MOG: variants seen among roughly 807,000 people sequenced by gnomAD.
MOG encodes the protein myelin oligodendrocyte glycoprotein.
Under a neutral mutation model 35.9 loss-of-function variants are expected in MOG, and 20 were observed. The ratio of observed to expected loss-of-function variants is 0.56; its 90% confidence interval spans 0.39 to 0.81. The LOEUF is 0.81. MOG is among the 30% of genes least tolerant of loss of function. The probability of loss-of-function intolerance (pLI) is 0.00; values close to 1 mark genes in which losing one functional copy is unlikely to be tolerated. For missense variants in MOG, 251 were observed against 301.0 expected (o/e 0.83, Z 1.23); for synonymous variants, 92 against 114.3 (o/e 0.80, Z 1.25).
chr6:29,670,971 C>A lies in MOG; in HGVS notation c.731-201C>A. Reference sequence around the variant, plus strand: ...TGCCACCTGATCCATTCCTCCTTCACTGCCCCTAAGCAGGAATCCAACCCT... The same window carrying A: ...TGCCACCTGATCCATTCCTCCTTCAATGCCCCTAAGCAGGAATCCAACCCT... On this transcript the variant is annotated intron_variant, in intron 7 of 7. Coordinates refer to ENST00000376917, the MANE Select transcript of MOG (RefSeq NM_206809.4). This position sits in a 1 kb window ranked among gnomAD's most constrained non-coding sequence, Gnocchi z 4.2. 1 of 1,612,318 alleles carries A rather than the reference C, an allele frequency of 6.2e-7. No individual in the cohort carries two copies. Among genetic ancestry groups the A allele is most frequent in the Non-Finnish European group, 8.5e-7 (1 of 1,179,792 alleles).
At chr6:29,660,380 A>G (rs1583095195) in intron 2 of MOG, among the ~76,000 whole-genome samples, 1 of 148,868 alleles carries the variant, frequency 6.7e-6, no homozygotes, top group Non-Finnish European at 1.5e-5. Flanking sequence ...AAAAAAAAAA[A>G]ATTAGCCAGG....
At chr6:29,664,872 A>G (rs1769846722) in intron 2 of MOG, 1 of 280,562 alleles carries the variant, frequency 3.6e-6, no homozygotes, top group African/African-American at 2.3e-5. Flanking sequence ...TGGCCTCCCA[A>G]AGTGGTGGGA....
rs117184346 is a variant in MOG at position 29,670,066 on chromosome 6, G to A, written c.593-215G>A. On this transcript the variant is annotated intron_variant, in intron 5 of 7. Coordinates refer to ENST00000376917, the MANE Select transcript of MOG (RefSeq NM_206809.4). This position sits in a 1 kb window ranked among gnomAD's most constrained non-coding sequence, Gnocchi z 4.2. ...TTACAGGCATGAGCCACCACACCTGGCAGTTGTTACATTTTTAATGAAAGA... is the reference window on the plus strand; with the variant it reads ...TTACAGGCATGAGCCACCACACCTGACAGTTGTTACATTTTTAATGAAAGA... 0.021 allele frequency: 17,478 copies of A among 835,420 alleles called. 242 individuals are homozygous for A. Among genetic ancestry groups the A allele is most frequent in the Admixed American group, 0.048 (2,392 of 50,274 alleles). 51.8% of individuals were successfully genotyped at this position (835,420 alleles called of 1,614,324 possible). A position where few individuals can be genotyped will look rare whatever the true frequency, so the allele number is the denominator to read the frequency against.
chr6:29,657,669 T>C lies in MOG; in HGVS notation c.88+372T>C, dbSNP rs1012999540. Reference sequence around the variant, plus strand: ...CAGCTAAATTTTTTCTTTTCTTTTTTTTTTTTTTTTTTTTTGTATTTTAGT... The same window carrying C: ...CAGCTAAATTTTTTCTTTTCTTTTTCTTTTTTTTTTTTTTTGTATTTTAGT... On this transcript the variant is annotated intron_variant, in intron 1 of 7. Transcript: ENST00000376917. Among the ~76,000 whole-genome samples the C allele has an allele frequency of 2.2e-4, 29 of 134,222 alleles. No homozygotes were observed. In the East Asian group the frequency reaches 2.7e-3, roughly 13 times the overall value. The allele number at this position is 134,222 out of a possible 152,430, so 88.1% of individuals were successfully genotyped here. A position where few individuals can be genotyped will look rare whatever the true frequency, so the allele number is the denominator to read the frequency against.
At chr6:29,657,351 G>C (rs938731042) in intron 1 of MOG, 54 bp downstream of exon 1, 1 of 1,339,876 alleles carries the variant, frequency 7.5e-7, no homozygotes, top group Non-Finnish European at 1.0e-6. Context: ...AGAAAGGCTA[G>C]TTTCCTGGGG....
At chr6:29,661,342 T>C (rs922926586) in intron 2 of MOG, 1 of 982,776 alleles carries the variant, frequency 1.0e-6, no homozygotes, top group Non-Finnish European at 1.2e-6. Context: ...TGCAGGGATA[T>C]GGAAATAGCT....
At chr6:29,661,206 C>A (rs1768646673) in intron 2 of MOG, 1 of 217,366 alleles carries the variant, frequency 4.6e-6, no homozygotes, top group African/African-American at 2.4e-5. Flanking sequence ...CTCCTCCCCA[C>A]CTGCAGTGCA....
intron 2 of MOG, chr6:29,661,523 C>T: frequency 4.1e-6 from 4 of 985,148 alleles, no homozygotes; most frequent in Non-Finnish European, 4.8e-6. Context: ...TTTCACCACA[C>T]CAAAAAAGGA....
rs372047182 is a variant in MOG, at chr6:29,672,261, C to T, written c.*1076C>T. On this transcript the variant is annotated 3_prime_UTR_variant, in exon 8 of 8. Transcript: ENST00000376917. ...TGAGATCGTGCCACTGCACTCTAGC[C>T]GGAGTGACAGAGTAAGACTCTGTCT... The T allele has an allele frequency of 5.5e-4, 91 of 166,762 alleles. 2 individuals carry two copies. In the South Asian group the frequency reaches 7.3e-3, roughly 13 times the overall value. The allele number at this position is 166,762 out of a possible 1,614,324, so 10.3% of individuals were successfully genotyped here.
At chr6:29,661,992 GGCTTTGGA>G (rs1768905046) in intron 2 of MOG, 1 of 985,264 alleles carries the variant, frequency 1.0e-6, no homozygotes, top group African/African-American at 1.7e-5. Context: ...GCTTTGTCTA[GGCTTTGGA>G]GCCAGGAAGT....
At chr6:29,659,153 G>C (rs1302874454) in intron 1 of MOG, among the ~76,000 whole-genome samples, 166 bp from the exon 2 acceptor site, 1 of 151,838 alleles carries the variant, frequency 6.6e-6, no homozygotes, top group Non-Finnish European at 1.5e-5. Context: ...TAAATAAAAA[G>C]GAAGAAGAAG....
intron 3 of MOG, 82 bp from the exon 4 acceptor site, chr6:29,667,561 G>A: frequency 2.1e-6 from 3 of 1,422,560 alleles, no homozygotes; most frequent in East Asian, 2.3e-5. Context: ...CCTGCACAAG[G>A]GGCCCAGGCG....
rs1321639821 is a variant in MOG, at chr6:29,661,706, G to A, written c.436+2040G>A. On this transcript the variant is annotated intron_variant, in intron 2 of 7. Transcript: ENST00000376917. ...GTGGTGGCGCATTCCTGTAATCCCA[G>A]CTGGGAGGCTGAGGCAGGAGAATCG... is the stretch of plus-strand genomic sequence containing the variant. The A allele has an allele frequency of 4.6e-6, 4 of 868,708 alleles. No individual in the cohort carries two copies. In the African/African-American group the frequency reaches 5.5e-5, roughly 12 times the overall value. 53.8% of individuals were successfully genotyped at this position (868,708 alleles called of 1,614,324 possible).
At chr6:29,665,907 C>A (rs956263690) in intron 2 of MOG, among the ~76,000 whole-genome samples, 2 of 152,096 alleles carry the variant, frequency 1.3e-5, no homozygotes, top group Non-Finnish European at 2.9e-5. Flanking sequence ...GTTAAAACTC[C>A]CCCAGCCTGA....
chr6:29,663,133 C>G (rs1310266129), intron 2 of MOG, among the ~76,000 whole-genome samples: 1 of 151,758 alleles, frequency 6.6e-6, no homozygotes, highest in African/African-American at 2.4e-5. Flanking sequence ...ATTAGCCTGG[C>G]GTGGTGGCAG....
chr6:29,666,979 T>C (rs1442681971), intron 3 of MOG, among the ~76,000 whole-genome samples: 1 of 152,172 alleles, frequency 6.6e-6, no homozygotes, highest in Non-Finnish European at 1.5e-5. Context: ...ACAAAGTCCT[T>C]TCTCTCACCT....
intron 2 of MOG, among the ~76,000 whole-genome samples, chr6:29,663,466 C>T (rs570741836): frequency 6.6e-6 from 1 of 152,156 alleles, no homozygotes; most frequent in East Asian, 1.9e-4. Context: ...TCAAATGAGA[C>T]CCACCTGTTG....
In MOG at chr6:29,671,466, C is replaced by A; in HGVS notation, c.*281C>A. ...CTCTGGCTAAGGACAGGCAGGTGCC[C>A]CTCTCTCCATCAGAGGACACCTGTA... On this transcript the variant is annotated 3_prime_UTR_variant, in exon 8 of 8. Coordinates refer to ENST00000376917, the MANE Select transcript of MOG (RefSeq NM_206809.4). The A allele has an allele frequency of 6.5e-7, 1 of 1,537,792 alleles. No homozygotes were observed. Among genetic ancestry groups the A allele is most frequent in the Non-Finnish European group, 9.0e-7 (1 of 1,111,718 alleles).
chr6:29,665,174 T>G lies in MOG; in HGVS notation c.437-978T>G, dbSNP rs559135819. ...TGCAATGGCAAGATCTCGGCTCACC[T>G]CAACCTCCGCCTCCTGGGTTCAAGC... is the stretch of plus-strand genomic sequence containing the variant. On this transcript the variant is annotated intron_variant, in intron 2 of 7. Coordinates refer to ENST00000376917, the MANE Select transcript of MOG (RefSeq NM_206809.4). Among the ~76,000 whole-genome samples the G allele has an allele frequency of 3.3e-3, 506 of 151,538 alleles. 3 individuals carry two copies. Among genetic ancestry groups the G allele is most frequent in the Admixed American group, 9.6e-3 (146 of 15,218 alleles).
Sources: gnomAD v4.1 joint callset for allele counts (sites outside exome capture counted in the v4.1 genomes callset) on GRCh38, gnomAD v4.1.1 for gene constraint, Gnocchi (gnomAD v3.1) non-coding constraint, MANE v1.5 for transcripts, NCBI Gene and HGNC (gene_info 2026-07-23, HGNC 2026-07-21) for gene names.